IPCEF1: variants seen among roughly 807,000 people sequenced by gnomAD.
The protein encoded by IPCEF1 is interaction protein for cytohesin exchange factors 1, also known as interactor protein for cytohesin exchange factors 1.
A neutral mutation model predicts 50.9 loss-of-function variants in IPCEF1; 31 were observed. The observed-to-expected ratio is 0.61, with a 90% CI of 0.46 to 0.82. The LOEUF (loss-of-function observed/expected upper bound fraction) is 0.82, where lower values mean the gene tolerates loss of function less well. Among genes scored for constraint, IPCEF1 ranks in the 40% least tolerant of loss-of-function variants. IPCEF1 has a pLI of 0.00. For synonymous variants in IPCEF1, 181 were observed against 192.0 expected (o/e 0.94, Z 0.47); for missense variants, 458 against 514.0 (o/e 0.89, Z 1.05).
At chr6:154,305,410 C>T (rs550246532) in intron 1 of IPCEF1, among the ~76,000 whole-genome samples, 1 of 152,296 alleles carries the variant, frequency 6.6e-6, no homozygotes, top group African/African-American at 2.4e-5. Context: ...CATTCTTCTG[C>T]CTGTATCTCT....
chr6:154,275,242 C>A (rs1782026365), intron 2 of IPCEF1, among the ~76,000 whole-genome samples: 1 of 152,166 alleles, frequency 6.6e-6, no homozygotes, highest in Non-Finnish European at 1.5e-5. Context: ...CCAGGAGCCA[C>A]CTCAAAAGTT....
intron 5 of IPCEF1, among the ~76,000 whole-genome samples, chr6:154,234,695 T>C (rs906684416): frequency 3.3e-5 from 5 of 152,246 alleles, no homozygotes; most frequent in African/African-American, 4.8e-5. Flanking sequence ...TCACAATCTT[T>C]CATTCTCTCC....
At chr6:154,313,239 G>A (rs1441026684) in intron 1 of IPCEF1, among the ~76,000 whole-genome samples, 1 of 151,844 alleles carries the variant, frequency 6.6e-6, no homozygotes, top group East Asian at 1.9e-4. Flanking sequence ...AAGCGTAGTA[G>A]TGGTGGGTGC....
chr6:154,240,362 A>G (rs1780482477), intron 5 of IPCEF1, among the ~76,000 whole-genome samples: 1 of 152,212 alleles, frequency 6.6e-6, no homozygotes, highest in Admixed American at 6.5e-5. Flanking sequence ...GCTATGACTA[A>G]TGTATTCATA....
chr6:154,297,677 A>T (rs1181328119), intron 1 of IPCEF1, among the ~76,000 whole-genome samples: 1 of 152,248 alleles, frequency 6.6e-6, no homozygotes, highest in Admixed American at 6.5e-5. Flanking sequence ...ACCCACTGTG[A>T]ACTCATTGTG....
chr6:154,241,647 G>C (rs535110390), intron 5 of IPCEF1, among the ~76,000 whole-genome samples: 19 of 152,106 alleles, frequency 1.2e-4, no homozygotes, highest in African/African-American at 4.6e-4. Flanking sequence ...TCTCACTGTT[G>C]GCACTCTAGT....
At chr6:154,313,233 G>C (rs191221524) in intron 1 of IPCEF1, among the ~76,000 whole-genome samples, 77 of 151,950 alleles carry the variant, frequency 5.1e-4, no homozygotes, top group African/African-American at 1.6e-3. Context: ...TTAGCCAAGC[G>C]TAGTAGTGGT....
chr6:154,176,702 C>A (rs1800364142), intron 10 of IPCEF1, among the ~76,000 whole-genome samples: 1 of 152,202 alleles, frequency 6.6e-6, no homozygotes, highest in African/African-American at 2.4e-5. Context: ...ATTCCATGCT[C>A]ATGGATAGGA....
chr6:154,244,320 G>A (rs2128640068), intron 5 of IPCEF1, among the ~76,000 whole-genome samples: 1 of 151,722 alleles, frequency 6.6e-6, no homozygotes, highest in South Asian at 2.1e-4. Context: ...GTGTGTGTGT[G>A]TGTGTGTTTG....
chr6:154,305,586 G>T (rs1350752085), intron 1 of IPCEF1, among the ~76,000 whole-genome samples: 2 of 152,136 alleles, frequency 1.3e-5, no homozygotes, highest in Non-Finnish European at 2.9e-5. Context: ...CAGTGTGATG[G>T]TTAATATTAT....
rs572259760 is a variant in IPCEF1 at position 154,210,613 on chromosome 6, T to C, written c.537+2157A>G. Among the ~76,000 whole-genome samples, 52 of 152,324 alleles carry C rather than the reference T, an allele frequency of 3.4e-4. No homozygotes were observed. The South Asian group carries it at 9.9e-3, about 29-fold the overall frequency. The stretch of plus-strand genomic sequence containing the variant: ...AACATTGTAAGGTCTGAAGATATCA[T>C]TAAGTTTGAAAGATATAAAGAAAAT... On this transcript the variant is annotated intron_variant, in intron 9 of 11. Coordinates refer to ENST00000367220, the MANE Select transcript of IPCEF1 (RefSeq NM_001130700.2).
At chr6:154,193,769 G>A (rs9479789) in intron 10 of IPCEF1, among the ~76,000 whole-genome samples, 13,618 of 152,250 alleles carry the variant, frequency 0.089, 886 homozygotes, top group African/African-American at 0.18. Context: ...GCCTGTGACA[G>A]GTCACTTTGG....
At chr6:154,307,517 A>T (rs1422741518) in intron 1 of IPCEF1, among the ~76,000 whole-genome samples, 8 of 152,132 alleles carry the variant, frequency 5.3e-5, no homozygotes, top group African/African-American at 1.9e-4. Context: ...TCACATTCTG[A>T]TGTACTGGGG....
chr6:154,272,172 T>C (rs1326212917), intron 2 of IPCEF1, among the ~76,000 whole-genome samples: 1 of 152,198 alleles, frequency 6.6e-6, no homozygotes, highest in Non-Finnish European at 1.5e-5. Flanking sequence ...AAACGAGATA[T>C]CATATGGGAA....
At chr6:154,291,479 C>A (rs548967527) in intron 1 of IPCEF1, among the ~76,000 whole-genome samples, 3 of 151,882 alleles carry the variant, frequency 2.0e-5, no homozygotes, top group Non-Finnish European at 4.4e-5. Context: ...TAGCAATGAA[C>A]ACCTAGATGG....
rs144091371 is a variant in IPCEF1 at position 154,242,606 on chromosome 6, G to A, written c.246+3985C>T. On this transcript the variant is annotated intron_variant, in intron 5 of 11. Transcript: ENST00000367220. ...AAGCATGATAGTAAGAAAAGTATAG[G>A]CCAAGTGCGGTGGCTCACATCTGTA... 1.6e-3 allele frequency among the ~76,000 whole-genome samples: 248 copies of A among 152,270 alleles called. 3 individuals are homozygous for A. The highest frequency in any genetic ancestry group is 5.8e-3 in the African/African-American group (240 of 41,534).
intron 4 of IPCEF1, 74 bp downstream of exon 4, chr6:154,247,373 AAG>A: frequency 8.3e-7 from 1 of 1,199,318 alleles, no homozygotes; most frequent in Non-Finnish European, 1.2e-6. Flanking sequence ...ATCTGATCCC[AAG>A]GAAGGCACCC....
At chr6:154,329,140 A>C (rs1783594577) in intron 1 of IPCEF1, among the ~76,000 whole-genome samples, 1 of 152,208 alleles carries the variant, frequency 6.6e-6, no homozygotes, top group African/African-American at 2.4e-5. Context: ...TGCCACGTGC[A>C]GTGGCTCATG....
chr6:154,223,324 G>T, intron 5 of IPCEF1, 81 bp from the exon 6 acceptor site: 1 of 1,073,334 alleles, frequency 9.3e-7, no homozygotes, highest in Non-Finnish European at 1.4e-6. Flanking sequence ...ACATGGAATA[G>T]GGATGGTATA....
Sources: allele counts gnomAD v4.1 joint callset (sites outside exome capture counted in the v4.1 genomes callset), GRCh38; gene constraint gnomAD v4.1.1; transcripts MANE v1.5; gene names NCBI Gene and HGNC (gene_info 2026-07-23, HGNC 2026-07-21).